Variants in CUL1 observed in about 807,000 individuals in gnomAD.
CUL1 encodes the protein cullin 1, also known as cullin-1.
A neutral mutation model predicts 118.0 loss-of-function variants in CUL1; 24 were observed. That is an observed-to-expected ratio of 0.20 (90% CI 0.15 to 0.29). CUL1 has a LOEUF of 0.29. Ranked by LOEUF, CUL1 falls within the 10% of genes least tolerant of loss-of-function variation. The pLI is 1.00. For synonymous variants in CUL1, 332 were observed against 340.4 expected (o/e 0.98, Z 0.27); for missense variants, 361 against 933.8 (o/e 0.39, Z 7.99).
At chr7:148,732,998 ACACCTCATTAAGCCTTATCT>A (rs1272949550) in intron 2 of CUL1, among the ~76,000 whole-genome samples, 3 of 151,958 alleles carry the variant, frequency 2.0e-5, no homozygotes, top group Non-Finnish European at 4.4e-5. Context: ...GGAACCATCC[ACACCTCATTAAGCCTTATCT>A]CACCGCGGGC....
Position 148,787,225 on chromosome 7 carries a change from G to A in CUL1, c.1479+105G>A, listed in dbSNP as rs938709551. On this transcript the variant is annotated intron_variant, in intron 13 of 21. Coordinates refer to ENST00000325222, the MANE Select transcript of CUL1 (RefSeq NM_003592.3). This position sits in a 1 kb window ranked among gnomAD's most constrained non-coding sequence, Gnocchi z 5.5. ...TGCCTGTAATCCCAGCACTTTGGGA[G>A]GCCGAGGCGGGCAGATCACGAGGTC... 3.5e-5 allele frequency: 39 copies of A among 1,118,200 alleles called. No homozygotes were observed. Among genetic ancestry groups the A allele is most frequent in the Admixed American group, 2.4e-4 (11 of 45,764 alleles). 69.3% of individuals were successfully genotyped at this position (1,118,200 alleles called of 1,614,324 possible). A position where few individuals can be genotyped will look rare whatever the true frequency, so the allele number is the denominator to read the frequency against.
At chr7:148,712,890 T>C (rs941574361) in intron 1 of CUL1, among the ~76,000 whole-genome samples, 2 of 152,222 alleles carry the variant, frequency 1.3e-5, no homozygotes, top group African/African-American at 4.8e-5. Flanking sequence ...AATCAGTGCC[T>C]CTTGAATTAT....
chr7:148,741,816 C>T (rs1203733571), intron 2 of CUL1, among the ~76,000 whole-genome samples: 3 of 152,238 alleles, frequency 2.0e-5, no homozygotes. Context: ...TCAAGTGATT[C>T]TCCTGCCTCA....
intron 16 of CUL1, among the ~76,000 whole-genome samples, chr7:148,790,907 CTAAGAA>C (rs2129463193): frequency 6.6e-6 from 1 of 152,302 alleles, no homozygotes; most frequent in East Asian, 1.9e-4. Context: ...ACCTATGTAA[CTAAGAA>C]TATTTCCATT....
At chr7:148,724,691 T>A (rs1798504100) in intron 1 of CUL1, among the ~76,000 whole-genome samples, 1 of 152,218 alleles carries the variant, frequency 6.6e-6, no homozygotes, top group Admixed American at 6.5e-5. Context: ...ACCAGCCACC[T>A]GTGTGTCCAA....
intron 1 of CUL1, among the ~76,000 whole-genome samples, chr7:148,715,158 T>G (rs1798174121): frequency 6.6e-6 from 1 of 152,250 alleles, no homozygotes; most frequent in Non-Finnish European, 1.5e-5. Flanking sequence ...CTACCCATCA[T>G]TGTATCATGG....
Position 148,766,606 on chromosome 7 carries a change from C to T in CUL1, c.835C>T (p.Leu279Phe). Residue 279 changes from leucine (L) to phenylalanine (F), a missense_variant, in exon 8 of 22, where the codon CTT becomes TTT. Around this residue, in one of 7 missense-constraint regions of CUL1, gnomAD observed 169 missense variants for 429.7 expected, o/e 0.39. Transcript: ENST00000325222. ...GGAACAACGAAGAGTTCAGGTTTAC[C>T]TTCATGAAAGCACACAAGATGAATT... ...LEEQRRVQVY[L>F]HESTQDELAR... is the part of the protein sequence containing the mutation. The T allele has an allele frequency of 6.2e-7, 1 of 1,613,576 alleles. No individual in the cohort carries two copies. The highest frequency in any genetic ancestry group is 8.5e-7 in the Non-Finnish European group (1 of 1,179,818).
intron 1 of CUL1, among the ~76,000 whole-genome samples, chr7:148,718,733 G>A (rs980885620): frequency 1.3e-5 from 2 of 151,924 alleles, no homozygotes; most frequent in Admixed American, 1.3e-4. Flanking sequence ...TTTTGTTTTT[G>A]GGGGGTAGAT....
At chr7:148,783,121 CCTT>C (rs1222496420) in intron 9 of CUL1, among the ~76,000 whole-genome samples, 1 of 152,238 alleles carries the variant, frequency 6.6e-6, no homozygotes, top group Non-Finnish European at 1.5e-5. Flanking sequence ...AGCTCCGTCT[CCTT>C]TGCCTTCCAT....
At chr7:148,731,885 T>C (rs1798775947) in intron 2 of CUL1, among the ~76,000 whole-genome samples, 1 of 152,238 alleles carries the variant, frequency 6.6e-6, no homozygotes, top group Admixed American at 6.5e-5. Flanking sequence ...GACTCAGTTG[T>C]ATAGCTAGTC....
At position 148,710,298 on chromosome 7, in the gene CUL1, GGC is replaced by G. The variant is rs1358924651; in HGVS notation, c.-162+11273_-162+11274del. Among the ~76,000 whole-genome samples, 38 of 118,312 alleles carry G rather than the reference GGC, an allele frequency of 3.2e-4. 1 individual carries two copies. The highest frequency in any genetic ancestry group is 4.3e-4 in the East Asian group (2 of 4,628). 77.6% of individuals were successfully genotyped at this position (118,312 alleles called of 152,430 possible). A position where few individuals can be genotyped will look rare whatever the true frequency, so the allele number is the denominator to read the frequency against. On this transcript the variant is annotated intron_variant, in intron 1 of 21. Coordinates refer to ENST00000325222, the MANE Select transcript of CUL1 (RefSeq NM_003592.3). ...TACTATAAAAAATACCAGTGGGCCG[GGC>G]GCGGTACGCCTGTAATCCCAGCACT...
intron 1 of CUL1, among the ~76,000 whole-genome samples, chr7:148,707,019 G>T (rs915182792): frequency 6.6e-6 from 1 of 151,982 alleles, no homozygotes; most frequent in Non-Finnish European, 1.5e-5. Flanking sequence ...ATATCTTATA[G>T]GGTATGTATA....
chr7:148,698,061 GGTTTT>G (rs1159258153), upstream of CUL1: 1 of 152,214 alleles, frequency 6.6e-6, no homozygotes, highest in Non-Finnish European at 1.5e-5. Flanking sequence ...AGCCTAGTTA[GGTTTT>G]ATCTTAGAAG....
intron 1 of CUL1, among the ~76,000 whole-genome samples, chr7:148,703,107 C>T (rs1053783402): frequency 6.6e-6 from 1 of 152,104 alleles, no homozygotes; most frequent in African/African-American, 2.4e-5. Context: ...CCAGATGTTC[C>T]CTGAGTGTTT....
intron 1 of CUL1, among the ~76,000 whole-genome samples, chr7:148,725,219 G>GCACACACACA: frequency 1.8e-3 from 253 of 140,136 alleles, no homozygotes; most frequent in South Asian, 0.017. Context: ...ACACGCGCGC[G>GCACACACACA]CTCACACACA....
chr7:148,736,094 C>T (rs372734747), intron 2 of CUL1, among the ~76,000 whole-genome samples: 8 of 151,708 alleles, frequency 5.3e-5, no homozygotes, highest in Non-Finnish European at 1.0e-4. Flanking sequence ...GAAACACTTG[C>T]GCCTGGGAGG....
intron 1 of CUL1, among the ~76,000 whole-genome samples, chr7:148,706,062 G>A (rs146790563): frequency 1.4e-4 from 21 of 152,280 alleles, no homozygotes; most frequent in African/African-American, 4.8e-4. Flanking sequence ...CGGTCAACAT[G>A]CAGGTGCACA....
At chr7:148,761,695 T>C (rs1224941876) in intron 7 of CUL1, among the ~76,000 whole-genome samples, 1 of 152,228 alleles carries the variant, frequency 6.6e-6, no homozygotes, top group African/African-American at 2.4e-5. Flanking sequence ...CAGTGGGATA[T>C]GTACACAACT....
At position 148,699,240 on chromosome 7, in the gene CUL1, G is replaced by C. The variant is rs566575072; in HGVS notation, c.-162+211G>C. ...AGGACGCCGAAGGTGGCAGAGGAGCGAGCGGGGCCGGGCCCTGAGTCACCC... is the reference window on the plus strand; with the variant it reads ...AGGACGCCGAAGGTGGCAGAGGAGCCAGCGGGGCCGGGCCCTGAGTCACCC... On this transcript the variant is annotated intron_variant, in intron 1 of 21. Transcript: ENST00000325222. Among the ~76,000 whole-genome samples the C allele has an allele frequency of 3.1e-4, 47 of 152,124 alleles. No homozygotes were observed. In the South Asian group the frequency reaches 9.3e-3, roughly 30 times the overall value.
Sources: gnomAD v4.1 joint callset for allele counts (sites outside exome capture counted in the v4.1 genomes callset) on GRCh38, gnomAD v4.1.1 for gene constraint, gnomAD v4.1.1 regional missense constraint, Gnocchi (gnomAD v3.1) non-coding constraint, MANE v1.5 for transcripts, NCBI Gene and HGNC (gene_info 2026-07-23, HGNC 2026-07-21) for gene names.